Variants in DPP6 observed in about 807,000 individuals in gnomAD.
The protein encoded by DPP6 is A-type potassium channel modulatory protein DPP6.
A neutral mutation model predicts 122.6 loss-of-function variants in DPP6; 69 were observed. The ratio of observed to expected loss-of-function variants is 0.56; its 90% confidence interval spans 0.46 to 0.69. The LOEUF is 0.69. Ranked by LOEUF, DPP6 falls within the 30% of genes least tolerant of loss-of-function variation. The probability of loss-of-function intolerance (pLI) is 0.00; values close to 1 mark genes in which losing one functional copy is unlikely to be tolerated. For missense variants in DPP6, 928 were observed against 1,116.9 expected, an observed-to-expected ratio of 0.83 and a Z score of 2.41; for synonymous variants, 418 against 433.1, an observed-to-expected ratio of 0.97 and a Z score of 0.43.
chr7:154,081,428 T>TGAA (rs1554456450), intron 1 of DPP6, among the ~76,000 whole-genome samples: 2 of 108,086 alleles, frequency 1.9e-5, no homozygotes, highest in Admixed American at 9.7e-5. Flanking sequence ...AGATGTGCTA[T>TGAA]TAATGATGCT....
At chr7:154,625,732 C>T (rs562459206) in intron 5 of DPP6, among the ~76,000 whole-genome samples, 2 of 152,300 alleles carry the variant, frequency 1.3e-5, no homozygotes, top group East Asian at 1.9e-4. Context: ...GCAAGGCGCA[C>T]GGTACAGACA....
At chr7:153,776,596 A>G in the DPP6 span, among the ~76,000 whole-genome samples, 16 of 152,190 alleles carry the variant, frequency 1.1e-4, no homozygotes, top group Non-Finnish European at 1.8e-4. Flanking sequence ...ACAGATAGAT[A>G]CACAGTTCAA....
the DPP6 span, among the ~76,000 whole-genome samples, chr7:153,879,939 T>C: frequency 6.6e-6 from 1 of 152,196 alleles, no homozygotes; most frequent in Non-Finnish European, 1.5e-5. Context: ...GGTAGACACA[T>C]AATAATTAAA....
the DPP6 span, among the ~76,000 whole-genome samples, chr7:153,834,195 G>A: frequency 1.3e-5 from 2 of 151,936 alleles, no homozygotes; most frequent in African/African-American, 4.8e-5. Context: ...GCTGAGGCAG[G>A]AGAATGGCTT....
intron 8 of DPP6, among the ~76,000 whole-genome samples, chr7:154,759,864 G>A (rs938895042): frequency 3.3e-5 from 5 of 152,142 alleles, no homozygotes; most frequent in African/African-American, 1.2e-4. Context: ...CCAGCTGGGC[G>A]TGGTGGCTCA....
intron 1 of DPP6, among the ~76,000 whole-genome samples, chr7:154,240,461 A>T (rs2150872164): frequency 6.6e-6 from 1 of 152,322 alleles, no homozygotes; most frequent in Admixed American, 6.5e-5. Context: ...TAAGAATAGG[A>T]ATAGAAAATG....
intron 1 of DPP6, among the ~76,000 whole-genome samples, chr7:154,417,580 G>A (rs1025437615): frequency 1.3e-5 from 2 of 152,100 alleles, no homozygotes; most frequent in South Asian, 2.1e-4. Flanking sequence ...TCCCAGAAGC[G>A]AAGAGATGGC....
chr7:154,834,155 A>G (rs1800842851), intron 16 of DPP6, among the ~76,000 whole-genome samples: 1 of 152,068 alleles, frequency 6.6e-6, no homozygotes, highest in Non-Finnish European at 1.5e-5. Flanking sequence ...GCTGCCACTG[A>G]GGAATATTTA....
Position 154,772,021 on chromosome 7 carries a change from A to G in DPP6, c.1039-824A>G, listed in dbSNP as rs182465764. 1.4e-4 allele frequency among the ~76,000 whole-genome samples: 21 copies of G among 152,304 alleles called. No individual in the cohort carries two copies. In the East Asian group the frequency reaches 3.9e-3, roughly 28 times the overall value. On this transcript the variant is annotated intron_variant, in intron 9 of 25. Coordinates refer to ENST00000377770, the MANE Select transcript of DPP6 (RefSeq NM_130797.4). ...GTTATCTTTTTGTGGGAGTTTCCCC[A>G]GTCTAGGAGTGATAACCTGGAATCC...
intron 8 of DPP6, among the ~76,000 whole-genome samples, chr7:154,749,408 A>T (rs138519281): frequency 8.6e-4 from 38 of 44,358 alleles, no homozygotes; most frequent in African/African-American, 9.2e-4. Context: ...GGCTTTACTG[A>T]GAGAGGGTGA....
At chr7:154,257,239 T>A (rs1050164880) in intron 1 of DPP6, among the ~76,000 whole-genome samples, 7 of 151,988 alleles carry the variant, frequency 4.6e-5, no homozygotes, top group Non-Finnish European at 7.4e-5. Flanking sequence ...TCTTCCTGCT[T>A]GGGTTCTTTA....
the DPP6 span, among the ~76,000 whole-genome samples, chr7:153,862,334 C>T: frequency 1.3e-5 from 2 of 152,204 alleles, no homozygotes; most frequent in African/African-American, 2.4e-5. Flanking sequence ...ATTTGGCCAC[C>T]GCCATGGACT....
the DPP6 span, among the ~76,000 whole-genome samples, chr7:153,781,724 A>AT: frequency 3.0e-3 from 462 of 152,056 alleles, no homozygotes; most frequent in African/African-American, 0.011. Flanking sequence ...TGAAAGATTG[A>AT]TAGCAGGGTT....
At chr7:153,770,753 A>G in the DPP6 span, among the ~76,000 whole-genome samples, 4 of 152,230 alleles carry the variant, frequency 2.6e-5, no homozygotes, top group Non-Finnish European at 5.9e-5. Flanking sequence ...ACAGCATGTA[A>G]GACCAAATGG....
intron 1 of DPP6, among the ~76,000 whole-genome samples, chr7:154,427,653 A>AATATCAAT (rs1210732652): frequency 4.6e-5 from 7 of 152,200 alleles, no homozygotes; most frequent in Non-Finnish European, 5.9e-5. Flanking sequence ...AGCCCTCATG[A>AATATCAAT]ATATCAATTC....
At chr7:154,583,071 T>C (rs1236078925) in intron 5 of DPP6, among the ~76,000 whole-genome samples, 1 of 152,190 alleles carries the variant, frequency 6.6e-6, no homozygotes, top group Admixed American at 6.5e-5. Flanking sequence ...CACTGGTAAC[T>C]GTACTTGGCC....
intron 1 of DPP6, among the ~76,000 whole-genome samples, chr7:154,150,152 G>C (rs7786040): frequency 0.48 from 70,078 of 146,390 alleles, 16,514 homozygotes; most frequent in Non-Finnish European, 0.53. Flanking sequence ...TTGTTTTGCT[G>C]TTCTAAGAAA....
At chr7:153,987,811 C>G (rs2129040683) in intron 1 of DPP6, among the ~76,000 whole-genome samples, 1 of 152,248 alleles carries the variant, frequency 6.6e-6, no homozygotes, top group African/African-American at 2.4e-5. Flanking sequence ...GTAAGTGCAG[C>G]ATAAATAAAA....
At chr7:153,986,600 G>A (rs915212462) in intron 1 of DPP6, among the ~76,000 whole-genome samples, 4 of 152,322 alleles carry the variant, frequency 2.6e-5, no homozygotes, top group East Asian at 1.9e-4. Flanking sequence ...GGGATTGAGC[G>A]TGATTTCTGC....
Sources: allele counts gnomAD v4.1 joint callset (sites outside exome capture counted in the v4.1 genomes callset), GRCh38; gene constraint gnomAD v4.1.1; transcripts MANE v1.5; gene names NCBI Gene and HGNC (gene_info 2026-07-23, HGNC 2026-07-21).